Variants in PON3 observed in about 807,000 individuals in gnomAD.
PON3 encodes the protein paraoxonase 3.
PON3 carries 37 observed loss-of-function variants against 36.3 expected under a neutral mutation model. That is an observed-to-expected ratio of 1.02 (90% CI 0.78 to 1.34). The LOEUF is 1.34. Ranked by LOEUF, PON3 falls within the 40% of genes most tolerant of loss-of-function variation. PON3 has a pLI of 0.00. For missense variants in PON3, 415 were observed against 426.5 expected, an observed-to-expected ratio of 0.97 and a Z score of 0.24; for synonymous variants, 155 against 154.8, an observed-to-expected ratio of 1.00 and a Z score of -0.01.
At position 95,364,234 on chromosome 7, in the gene PON3, C is replaced by T. The variant is rs1808642907; in HGVS notation, c.495-171G>A. The T allele has an allele frequency of 4.5e-5, 28 of 624,866 alleles. No homozygotes were observed. The South Asian group carries it at 4.8e-4, about 11-fold the overall frequency. The allele number at this position is 624,866 out of a possible 1,614,324, so 38.7% of individuals were successfully genotyped here. A position where few individuals can be genotyped will look rare whatever the true frequency, so the allele number is the denominator to read the frequency against. On this transcript the variant is annotated intron_variant, in intron 5 of 8. Transcript: ENST00000265627. The stretch of plus-strand genomic sequence containing the variant: ...CAGAAAATCATGATTCTGCATTGCC[C>T]TGATGGGTTTTCTTTAGCCATTTGT...
intron 3 of PON3, among the ~76,000 whole-genome samples, chr7:95,386,898 C>G (rs1415981575): frequency 6.6e-6 from 1 of 152,132 alleles, no homozygotes; most frequent in Non-Finnish European, 1.5e-5. Context: ...ATGATTATCT[C>G]AATAGATGCA....
At chr7:95,372,107 G>A (rs931678714) in intron 4 of PON3, 66 bp downstream of exon 4, 1 of 1,517,776 alleles carries the variant, frequency 6.6e-7, no homozygotes, top group African/African-American at 1.4e-5. Context: ...TAAATATTGA[G>A]GGGCTGGAGA....
intron 3 of PON3, among the ~76,000 whole-genome samples, chr7:95,381,009 A>AG (rs1809040089): frequency 6.6e-6 from 1 of 152,254 alleles, no homozygotes; most frequent in African/African-American, 2.4e-5. Context: ...ATCTCTTGGC[A>AG]GAAACTCTAC....
chr7:95,394,852 C>A, intron 1 of PON3, 138 bp from the exon 2 acceptor site: 1 of 734,226 alleles, frequency 1.4e-6, no homozygotes, highest in South Asian at 1.5e-5. Flanking sequence ...TAAGTAGGTA[C>A]TTCCTTTCAT....
chr7:95,361,458 T>C (rs1430130207), intron 8 of PON3, among the ~76,000 whole-genome samples: 1 of 152,184 alleles, frequency 6.6e-6, no homozygotes, highest in East Asian at 1.9e-4. Context: ...CTCTGATCTC[T>C]GACTTTAGTA....
intron 3 of PON3, among the ~76,000 whole-genome samples, chr7:95,389,380 TATTTTATTG>T (rs1809268911): frequency 6.6e-6 from 1 of 152,194 alleles, no homozygotes; most frequent in Non-Finnish European, 1.5e-5. Flanking sequence ...TCTTTGGTGG[TATTTTATTG>T]CCCCAAATGG....
In PON3 at chr7:95,372,338, C is replaced by G; in HGVS notation, c.202G>C (p.Gly68Arg). The G allele has an allele frequency of 6.2e-7, 1 of 1,613,232 alleles. No homozygotes were observed. Among genetic ancestry groups the G allele is most frequent in the East Asian group, 2.2e-5 (1 of 44,836 alleles). Residue 68 changes from glycine to arginine, a missense_variant and splice_region_variant, in exon 4 of 9, where the codon GGA becomes CGA. Coordinates refer to ENST00000265627, the MANE Select transcript of PON3 (RefSeq NM_000940.3). ...LPSGLAFISSGLKYPGMPNFA... is the reference protein window; with the variant it reads ...LPSGLAFISSRLKYPGMPNFA... ...TTTGGCATGCCTGGATATTTTAATCCCTTTTAAAAATAAAGAACAAGTGTG... is the reference window on the plus strand; with the variant it reads ...TTTGGCATGCCTGGATATTTTAATCGCTTTTAAAAATAAAGAACAAGTGTG...
intron 3 of PON3, among the ~76,000 whole-genome samples, chr7:95,385,547 C>A (rs1318810528): frequency 6.6e-6 from 1 of 152,024 alleles, no homozygotes; most frequent in Non-Finnish European, 1.5e-5. Context: ...AGGACTTGAA[C>A]TCAGCTCTGG....
intron 1 of PON3, chr7:95,395,907 T>C (rs1188230162): frequency 8.9e-6 from 3 of 338,954 alleles, no homozygotes; most frequent in Non-Finnish European, 1.7e-5. Context: ...GGTAGCCTGA[T>C]CCTCTCTCCC....
intron 4 of PON3, 78 bp downstream of exon 4, chr7:95,372,095 C>T: frequency 5.4e-6 from 8 of 1,482,046 alleles, no homozygotes; most frequent in Non-Finnish European, 7.5e-6. Context: ...CTTCCTGTTA[C>T]ATAAATATTG....
At chr7:95,368,825 A>AG (rs1562770837) in intron 4 of PON3, among the ~76,000 whole-genome samples, 2 of 150,760 alleles carry the variant, frequency 1.3e-5, no homozygotes, top group South Asian at 2.1e-4. Flanking sequence ...AAAAAAAAAA[A>AG]AAAGAAAGAA....
chr7:95,383,432 A>G (rs962009626), intron 3 of PON3, among the ~76,000 whole-genome samples: 11 of 152,246 alleles, frequency 7.2e-5, no homozygotes, highest in Non-Finnish European at 1.2e-4. Flanking sequence ...TGCAGATGAC[A>G]TGATTGTATA....
intron 2 of PON3, 57 bp downstream of exon 2, chr7:95,394,587 A>T (rs1038765945): frequency 2.0e-6 from 3 of 1,471,542 alleles, no homozygotes; most frequent in Admixed American, 1.7e-5. Context: ...GGGCTCAGTC[A>T]GGTGGATGAC....
chr7:95,384,037 A>G (rs1485556931), intron 3 of PON3, among the ~76,000 whole-genome samples: 1 of 152,234 alleles, frequency 6.6e-6, no homozygotes, highest in Non-Finnish European at 1.5e-5. Context: ...CAGAGGCCTC[A>G]GAGATAATAC....
intron 5 of PON3, among the ~76,000 whole-genome samples, chr7:95,366,108 C>T (rs1387769194): frequency 3.3e-5 from 5 of 152,108 alleles, no homozygotes; most frequent in Admixed American, 3.3e-4. Context: ...ACTGGTTTCT[C>T]AAGTCTGCTT....
rs796415159 is a variant in PON3 at position 95,361,625 on chromosome 7, G to T, written c.906+737C>A. Among the ~76,000 whole-genome samples, 31 of 152,006 alleles carry T rather than the reference G, an allele frequency of 2.0e-4. 1 individual carries two copies. In the South Asian group the frequency reaches 3.7e-3, roughly 18 times the overall value. On this transcript the variant is annotated intron_variant, in intron 8 of 8. Coordinates refer to ENST00000265627, the MANE Select transcript of PON3 (RefSeq NM_000940.3). ...GTTTGTCCCCCTTTCTTAAGATCAG[G>T]GATCTCTGTATATTTTTTCTGATAT...
In PON3 at chr7:95,364,025, T is replaced by C. The variant is rs1325797687; in HGVS notation, c.533A>G (p.Tyr178Cys). The C allele has an allele frequency of 1.9e-6, 3 of 1,613,870 alleles. No individual in the cohort carries two copies. Among genetic ancestry groups the C allele is most frequent in the African/African-American group, 1.3e-5 (1 of 75,012 alleles). ...GGTAAAATAGTGGTCTCTGGTGGCA[T>C]AGAACTGTTCTGGTCCAAGAACCAC... Reference protein sequence around the residue: ...DIVVLGPEQFYATRDHYFTNS... With the variant: ...DIVVLGPEQFCATRDHYFTNS... Residue 178 changes from tyrosine (Y) to cysteine (C), a missense_variant, in exon 6 of 9, where the codon TAT (tyrosine) becomes TGT (cysteine). Physicochemically the swap from Tyr to Cys is radical, Grantham distance 194. Transcript: ENST00000265627.
chr7:95,381,256 T>C (rs1316072856), intron 3 of PON3, among the ~76,000 whole-genome samples: 1 of 152,092 alleles, frequency 6.6e-6, no homozygotes, highest in East Asian at 1.9e-4. Flanking sequence ...ACATGCCAAA[T>C]TGTAAAGACC....
chr7:95,379,571 C>T (rs527462987), intron 3 of PON3, among the ~76,000 whole-genome samples: 85 of 152,360 alleles, frequency 5.6e-4, no homozygotes, highest in African/African-American at 1.8e-3. Flanking sequence ...GTGCCTGGCT[C>T]GGAGGGTTCC....
Sources: allele counts gnomAD v4.1 joint callset (sites outside exome capture counted in the v4.1 genomes callset), GRCh38; gene constraint gnomAD v4.1.1; transcripts MANE v1.5; gene names NCBI Gene and HGNC (gene_info 2026-07-23, HGNC 2026-07-21).